The following CHSY3 variants were observed in gnomAD, a reference collection of about 807,000 sequenced individuals.
The protein encoded by CHSY3 is N-acetylgalactosaminyl-proteoglycan 3-beta-glucuronosyltransferase 3.
Under a neutral mutation model 67.2 loss-of-function variants are expected in CHSY3, and 35 were observed. That is an observed-to-expected ratio of 0.52 (90% CI 0.40 to 0.69). The LOEUF is 0.69. Ranked by LOEUF, CHSY3 falls within the 30% of genes least tolerant of loss-of-function variation. The pLI, the probability that CHSY3 is intolerant of heterozygous loss-of-function variation, is 0.00. For synonymous variants in CHSY3, 474 were observed against 434.7 expected (o/e 1.09, Z -1.12); for missense variants, 1,069 against 1,138.5 (o/e 0.94, Z 0.88).
intron 2 of CHSY3, among the ~76,000 whole-genome samples, chr5:130,038,574 C>T (rs962517407): frequency 2.0e-5 from 3 of 152,066 alleles, no homozygotes; most frequent in Non-Finnish European, 4.4e-5. Flanking sequence ...AAAGGAAGCA[C>T]ATTCAAGCCT....
chr5:130,062,558 T>A (rs1323424780), intron 2 of CHSY3, among the ~76,000 whole-genome samples: 1 of 151,128 alleles, frequency 6.6e-6, no homozygotes, highest in South Asian at 2.1e-4. Flanking sequence ...AATATGATAA[T>A]TTTTTTTGAC....
intron 2 of CHSY3, among the ~76,000 whole-genome samples, chr5:130,152,547 C>T (rs1422545766): frequency 2.6e-5 from 4 of 151,978 alleles, no homozygotes; most frequent in Non-Finnish European, 2.9e-5. Flanking sequence ...AGTAAGAGGG[C>T]GAGAGTTATT....
At chr5:130,174,309 A>G (rs1022832588) in intron 2 of CHSY3, among the ~76,000 whole-genome samples, 1 of 151,950 alleles carries the variant, frequency 6.6e-6, no homozygotes, top group Non-Finnish European at 1.5e-5. Flanking sequence ...AAAAAAAAAA[A>G]AGTAGTAGCA....
chr5:129,905,018 C>T lies in CHSY3; in HGVS notation c.189C>T (p.Leu63=). Residue 63 remains leucine, a synonymous_variant, in exon 1 of 3, where the codon CTC becomes CTT. Transcript: ENST00000305031. ...AGPRAGAQQP[L]PQPQSRPRQE... ...CCCGCGCCGGCGCTCAGCAGCCGCT[C>T]CCCCAGCCCCAGTCCCGACCACGGC... 6.4e-7 allele frequency: 1 copy of T among 1,563,356 alleles called. No individual in the cohort carries two copies. Among genetic ancestry groups the T allele is most frequent in the Non-Finnish European group, 8.6e-7 (1 of 1,161,080 alleles).
intron 2 of CHSY3, among the ~76,000 whole-genome samples, chr5:129,965,392 C>T (rs749690662): frequency 1.3e-5 from 2 of 151,988 alleles, no homozygotes; most frequent in East Asian, 1.9e-4. Flanking sequence ...ATTACATTTC[C>T]GTATAATACA....
intron 2 of CHSY3, among the ~76,000 whole-genome samples, chr5:129,925,117 C>T (rs147898752): frequency 3.3e-5 from 5 of 152,226 alleles, no homozygotes; most frequent in East Asian, 1.9e-4. Context: ...AGATTAAATG[C>T]GGAGGCCACT....
chr5:130,027,000 A>T (rs1206077636), intron 2 of CHSY3, among the ~76,000 whole-genome samples: 1 of 152,160 alleles, frequency 6.6e-6, no homozygotes, highest in Non-Finnish European at 1.5e-5. Context: ...GTTTACAGCC[A>T]TCATCACTAG....
At chr5:130,126,252 A>G (rs1339760667) in intron 2 of CHSY3, among the ~76,000 whole-genome samples, 1 of 151,816 alleles carries the variant, frequency 6.6e-6, no homozygotes, top group Non-Finnish European at 1.5e-5. Context: ...AACCTTACCT[A>G]AGGAAAAAAG....
intron 2 of CHSY3, among the ~76,000 whole-genome samples, chr5:129,922,410 T>G (rs1209366778): frequency 6.6e-6 from 1 of 152,234 alleles, no homozygotes; most frequent in Non-Finnish European, 1.5e-5. Context: ...GGAGCCCCCA[T>G]ATTGTTTTTC....
rs565175202 is a variant in CHSY3, at chr5:130,177,251, T to C, written c.1087-6978T>C. 2.6e-5 allele frequency among the ~76,000 whole-genome samples: 4 copies of C among 151,662 alleles called. No homozygotes were observed. The South Asian group carries it at 8.3e-4, about 32-fold the overall frequency. On this transcript the variant is annotated intron_variant, in intron 2 of 2. Coordinates refer to ENST00000305031, the MANE Select transcript of CHSY3 (RefSeq NM_175856.5). Reference sequence around the variant, plus strand: ...TGTGTGTGTATATATATATATATGTTTTGTATTCTTCACTAACTGCTTCTC... The same window carrying C: ...TGTGTGTGTATATATATATATATGTCTTGTATTCTTCACTAACTGCTTCTC...
chr5:130,143,756 A>ATATGTG (rs1433405052), intron 2 of CHSY3, among the ~76,000 whole-genome samples: 35 of 101,916 alleles, frequency 3.4e-4, no homozygotes, highest in African/African-American at 1.6e-3. Flanking sequence ...ATATATATAT[A>ATATGTG]TGTGTGTGTG....
chr5:130,105,596 A>T (rs1254845416), intron 2 of CHSY3, among the ~76,000 whole-genome samples: 4 of 151,762 alleles, frequency 2.6e-5, no homozygotes, highest in African/African-American at 9.7e-5. Flanking sequence ...CTGTCATATT[A>T]TGCACATTCC....
chr5:130,010,053 C>T (rs10038252), intron 2 of CHSY3, among the ~76,000 whole-genome samples: 49,068 of 152,038 alleles, frequency 0.32, 9,308 homozygotes, highest in Non-Finnish European at 0.44. Flanking sequence ...CTGTAACACC[C>T]CACTGACAGT....
chr5:130,065,597 A>G (rs2149679010), intron 2 of CHSY3, among the ~76,000 whole-genome samples: 1 of 152,222 alleles, frequency 6.6e-6, no homozygotes, highest in Middle Eastern at 3.4e-3. Flanking sequence ...AGACTACCAA[A>G]GACTGTCCCT....
Position 129,904,527 on chromosome 5 carries a change from C to G in CHSY3, c.-303C>G, listed in dbSNP as rs991329416. 2 of 301,604 alleles carry G rather than the reference C, an allele frequency of 6.6e-6. No homozygotes were observed. Among genetic ancestry groups the G allele is most frequent in the Non-Finnish European group, 1.2e-5 (2 of 170,614 alleles). 18.7% of individuals were successfully genotyped at this position (301,604 alleles called of 1,614,324 possible). A position where few individuals can be genotyped will look rare whatever the true frequency, so the allele number is the denominator to read the frequency against. ...GCCGCCGCTGCTCCTCCTCCTCCTC[C>G]TGCAGCTCCTCCAGCTGCCGCTGCT... is the stretch of plus-strand genomic sequence containing the variant. On this transcript the variant is annotated 5_prime_UTR_variant, in exon 1 of 3. Coordinates refer to ENST00000305031, the MANE Select transcript of CHSY3 (RefSeq NM_175856.5).
At chr5:130,016,816 T>C (rs563798040) in intron 2 of CHSY3, among the ~76,000 whole-genome samples, 25 of 152,344 alleles carry the variant, frequency 1.6e-4, no homozygotes, top group Non-Finnish European at 2.5e-4. Flanking sequence ...TGTGTTATAT[T>C]AGATCTAGAA....
At chr5:130,112,157 G>A (rs572304462) in intron 2 of CHSY3, among the ~76,000 whole-genome samples, 2 of 152,174 alleles carry the variant, frequency 1.3e-5, no homozygotes, top group African/African-American at 4.8e-5. Flanking sequence ...AGGTTTGTAA[G>A]TACTATAATT....
At chr5:130,170,161 G>A (rs537294953) in intron 2 of CHSY3, among the ~76,000 whole-genome samples, 1 of 151,966 alleles carries the variant, frequency 6.6e-6, no homozygotes, top group South Asian at 2.1e-4. Flanking sequence ...GGAGTCCCTA[G>A]TATCTATTAT....
intron 2 of CHSY3, among the ~76,000 whole-genome samples, chr5:130,104,138 G>C (rs1211007137): frequency 2.0e-5 from 3 of 151,598 alleles, no homozygotes; most frequent in African/African-American, 7.3e-5. Context: ...TTACCTTTTA[G>C]TGTTTGTATC....
Sources: allele counts gnomAD v4.1 joint callset (sites outside exome capture counted in the v4.1 genomes callset), GRCh38; gene constraint gnomAD v4.1.1; transcripts MANE v1.5; gene names NCBI Gene and HGNC (gene_info 2026-07-23, HGNC 2026-07-21).